The following KPNB1 variants were observed in gnomAD, a reference collection of about 807,000 sequenced individuals.
KPNB1 encodes importin subunit beta-1.
In KPNB1, 7 loss-of-function variants were observed where a neutral mutation model predicts 113.0. The ratio of observed to expected loss-of-function variants is 0.06; its 90% CI spans 0.04 to 0.12. The LOEUF (loss-of-function observed/expected upper bound fraction) is 0.12. KPNB1 is among the 10% of genes least tolerant of loss of function. The probability of loss-of-function intolerance (pLI) is 1.00; values close to 1 mark genes in which losing one functional copy is unlikely to be tolerated. For missense variants in KPNB1, 400 were observed against 1,054.8 expected, an observed-to-expected ratio of 0.38 and a Z score of 8.60; for synonymous variants, 363 against 378.6, an observed-to-expected ratio of 0.96 and a Z score of 0.48.
chr17:47,670,840 A>G lies in KPNB1; in HGVS notation c.1547+8A>G. 3.1e-6 allele frequency: 5 copies of G among 1,592,078 alleles called. No individual in the cohort carries two copies. In the South Asian group the frequency reaches 3.3e-5, roughly 11 times the overall value. ...CCTAGAGACTACAGACAGGTAACTG[A>G]TATTTCACAGAAATGAGTGACGTCT... On this transcript the variant is annotated splice_region_variant and intron_variant, in intron 12 of 21. Coordinates refer to ENST00000290158, the MANE Select transcript of KPNB1 (RefSeq NM_002265.6).
intron 3 of KPNB1, among the ~76,000 whole-genome samples, chr17:47,654,941 G>A (rs966761769): frequency 6.6e-6 from 1 of 152,072 alleles, no homozygotes; most frequent in Non-Finnish European, 1.5e-5. Context: ...GCTAGTCCTC[G>A]AGAGCAAAGC....
chr17:47,677,968 G>A, intron 17 of KPNB1, 78 bp from the exon 18 acceptor site: 1 of 1,407,476 alleles, frequency 7.1e-7, no homozygotes, highest in Non-Finnish European at 9.9e-7. Context: ...ATAGTTGCTT[G>A]TTAGAAATGA....
At position 47,680,690 on chromosome 17, in the gene KPNB1, T is replaced by C. The variant is rs184423666; in HGVS notation, c.2630+21T>C. 149 of 1,607,826 alleles carry C rather than the reference T, an allele frequency of 9.3e-5. No homozygotes were observed. The East Asian group carries it at 2.3e-3, about 25-fold the overall frequency. On this transcript the variant is annotated intron_variant, in intron 21 of 21. Transcript: ENST00000290158. Reference sequence around the variant, plus strand: ...GCTTGGTAAGATCTTGCCTCCACTGTCCTCTTTCTTCTACTTCCTGGAGGA... The same window carrying C: ...GCTTGGTAAGATCTTGCCTCCACTGCCCTCTTTCTTCTACTTCCTGGAGGA...
chr17:47,675,366 T>TTTTG (rs2030573360), intron 15 of KPNB1, among the ~76,000 whole-genome samples: 1 of 114,210 alleles, frequency 8.8e-6, no homozygotes, highest in Non-Finnish European at 1.8e-5. Context: ...GTGTTGTTTT[T>TTTTG]TTTTTGTTTT....
At chr17:47,681,888 A>T (rs1051295131) in intron 21 of KPNB1, among the ~76,000 whole-genome samples, 6 of 152,036 alleles carry the variant, frequency 3.9e-5, no homozygotes, top group African/African-American at 1.4e-4. Flanking sequence ...GCTGGAGTGC[A>T]GTGGTACAAT....
At position 47,650,013 on chromosome 17, in the gene KPNB1, C is replaced by T. The variant is rs1915479094; in HGVS notation, c.-232C>T. On this transcript the variant is annotated 5_prime_UTR_variant, in exon 1 of 22. Coordinates refer to ENST00000290158, the MANE Select transcript of KPNB1 (RefSeq NM_002265.6). ...GCGCGCTCTGAGCTGCCCCCAGGGT[C>T]CCTCCCCCGCCGCCAGCAGCCCATT... 2.2e-5 allele frequency: 30 copies of T among 1,369,924 alleles called. No individual in the cohort carries two copies. In the South Asian group the frequency reaches 4.8e-4, roughly 22 times the overall value. 84.9% of individuals were successfully genotyped at this position (1,369,924 alleles called of 1,614,324 possible). A position where few individuals can be genotyped will look rare whatever the true frequency, so the allele number is the denominator to read the frequency against.
chr17:47,673,608 T>C, intron 14 of KPNB1, 47 bp downstream of exon 14: 2 of 1,381,500 alleles, frequency 1.4e-6, no homozygotes, highest in South Asian at 2.3e-5. Context: ...GGAGAATTAT[T>C]AGTATCTCAG....
At chr17:47,662,576 CAAAA>C (rs777358811) in intron 6 of KPNB1, among the ~76,000 whole-genome samples, 5 of 121,722 alleles carry the variant, frequency 4.1e-5, no homozygotes, top group African/African-American at 9.2e-5. Flanking sequence ...AAGACTGTCT[CAAAA>C]AAAAAAAAAA....
intron 16 of KPNB1, 41 bp downstream of exon 16, chr17:47,676,532 C>CT: frequency 1.4e-6 from 2 of 1,433,224 alleles, no homozygotes; most frequent in Non-Finnish European, 2.0e-6. Context: ...CCATTTATAT[C>CT]TGACAGTCAC....
intron 3 of KPNB1, among the ~76,000 whole-genome samples, chr17:47,653,482 T>G (rs1162608807): frequency 6.6e-6 from 1 of 152,138 alleles, no homozygotes; most frequent in Non-Finnish European, 1.5e-5. Context: ...CCTCAGGTGA[T>G]CTGCCTGCCT....
At chr17:47,657,847 T>C (rs557079190) in intron 4 of KPNB1, among the ~76,000 whole-genome samples, 17 of 152,344 alleles carry the variant, frequency 1.1e-4, no homozygotes, top group African/African-American at 4.1e-4. Context: ...GTTTGCAGTG[T>C]TATTCCCAAA....
rs1286361912 is a variant in KPNB1 at position 47,650,417 on chromosome 17, C to T, written c.72C>T (p.Phe24=). 1.2e-6 allele frequency: 2 copies of T among 1,609,454 alleles called. No individual in the cohort carries two copies. The highest frequency in any genetic ancestry group is 2.2e-5 in the East Asian group (1 of 44,664). Residue 24 remains phenylalanine, a synonymous_variant, in exon 2 of 22, where the codon TTC becomes TTT. Transcript: ENST00000290158. Reference sequence around the variant, plus strand: ...TGGAGCTGGAAGCGGCGCAGAAGTTCCTGGAGCGTGCGGCCGTGGAGAACC... The same window carrying T: ...TGGAGCTGGAAGCGGCGCAGAAGTTTCTGGAGCGTGCGGCCGTGGAGAACC... The part of the protein sequence containing the change: ...DRLELEAAQK[F]LERAAVENLP...
rs2030572184 is a variant in KPNB1, at chr17:47,675,364, T to TTTTG, written c.1912+585_1912+586insGTTT. Among the ~76,000 whole-genome samples the TTTTG allele has an allele frequency of 1.1e-4, 12 of 113,308 alleles. 1 individual carries two copies. In the South Asian group the frequency reaches 1.4e-3, roughly 13 times the overall value. 74.3% of individuals were successfully genotyped at this position (113,308 alleles called of 152,430 possible). A position where few individuals can be genotyped will look rare whatever the true frequency, so the allele number is the denominator to read the frequency against. Reference sequence around the variant, plus strand: ...AACGGAGATTGGCAGAGGTGTTGTTTTTTTTTTGTTTTTTTTTTTTGTTTG... The same window carrying TTTTG: ...AACGGAGATTGGCAGAGGTGTTGTTTTTTGTTTTTTTGTTTTTTTTTTTTGTTTG... On this transcript the variant is annotated intron_variant, in intron 15 of 21. Transcript: ENST00000290158.
chr17:47,675,361 G>GTTTGTTTTT (rs2030567873), intron 15 of KPNB1, among the ~76,000 whole-genome samples: 1 of 88,692 alleles, frequency 1.1e-5, no homozygotes. Flanking sequence ...CAGAGGTGTT[G>GTTTGTTTTT]TTTTTTTTTT....
chr17:47,676,017 G>A (rs1390034516), intron 15 of KPNB1, among the ~76,000 whole-genome samples: 3 of 152,164 alleles, frequency 2.0e-5, no homozygotes, highest in Non-Finnish European at 4.4e-5. Flanking sequence ...ATTGCCTAAG[G>A]ACCCTGTTTT....
At chr17:47,659,688 A>G (rs901729754) in intron 5 of KPNB1, among the ~76,000 whole-genome samples, 5 of 152,196 alleles carry the variant, frequency 3.3e-5, no homozygotes, top group African/African-American at 1.2e-4. Context: ...GAAAAATGAA[A>G]TAAATAAAAA....
At chr17:47,680,721 GTA>G (rs2030746148) in intron 21 of KPNB1, 52 bp downstream of exon 21, 1 of 1,561,080 alleles carries the variant, frequency 6.4e-7, no homozygotes, top group Admixed American at 1.9e-5. Flanking sequence ...GAGGAGGGGG[GTA>G]TGTTTTCTTT....
At chr17:47,673,401 C>A in intron 13 of KPNB1, 89 bp from the exon 14 acceptor site, 1 of 1,148,610 alleles carries the variant, frequency 8.7e-7, no homozygotes, top group Non-Finnish European at 1.3e-6. Context: ...TGTTTACTTT[C>A]CTATGTTAGT....
chr17:47,677,155 C>T (rs1398808198), intron 17 of KPNB1, 28 bp downstream of exon 17: 1 of 1,473,486 alleles, frequency 6.8e-7, no homozygotes, highest in East Asian at 2.3e-5. Context: ...ATCTAATTAA[C>T]CAGTCTTCTT....
Sources: allele counts gnomAD v4.1 joint callset (sites outside exome capture counted in the v4.1 genomes callset), GRCh38; gene constraint gnomAD v4.1.1; transcripts MANE v1.5; gene names NCBI Gene and HGNC (gene_info 2026-07-23, HGNC 2026-07-21).